OLFML2B: variants seen among roughly 807,000 people sequenced by gnomAD.
The protein encoded by OLFML2B is olfactomedin like 2B.
OLFML2B carries 57 observed loss-of-function variants against 74.9 expected under a neutral mutation model. The observed-to-expected ratio is 0.76, with a 90% CI of 0.61 to 0.95. The LOEUF is 0.95. Among genes scored for constraint, OLFML2B ranks in the 40% least tolerant of loss-of-function variants. The pLI is 0.00. For missense variants in OLFML2B, 986 were observed against 970.6 expected (o/e 1.02, Z -0.21); for synonymous variants, 388 against 405.8 (o/e 0.96, Z 0.53).
At chr1:162,011,710 C>G (rs749089213) in intron 3 of OLFML2B, among the ~76,000 whole-genome samples, 8 of 152,226 alleles carry the variant, frequency 5.3e-5, no homozygotes, top group Non-Finnish European at 1.2e-4. Flanking sequence ...TGACTTGACC[C>G]AGCTTGCCCT....
chr1:161,998,460 C>T (rs773796923), intron 5 of OLFML2B, 111 bp from the exon 6 acceptor site: 92 of 1,213,096 alleles, frequency 7.6e-5, no homozygotes, highest in Admixed American at 1.2e-4. Flanking sequence ...CTTAACACGA[C>T]GGCTTGAGTT....
At chr1:161,987,688 T>C (rs1306957427) in intron 6 of OLFML2B, among the ~76,000 whole-genome samples, 1 of 152,182 alleles carries the variant, frequency 6.6e-6, no homozygotes, top group Non-Finnish European at 1.5e-5. Flanking sequence ...CAACTAAGCT[T>C]GTGGCAATTT....
intron 4 of OLFML2B, among the ~76,000 whole-genome samples, chr1:162,002,037 C>T (rs541325611): frequency 1.2e-4 from 18 of 152,306 alleles, no homozygotes; most frequent in African/African-American, 3.6e-4. Context: ...CACAGTGTGG[C>T]GGGATCTCTG....
At chr1:161,988,322 T>G (rs1023724656) in intron 6 of OLFML2B, among the ~76,000 whole-genome samples, 5 of 152,142 alleles carry the variant, frequency 3.3e-5, no homozygotes, top group East Asian at 1.9e-4. Context: ...CTAAAAGAAA[T>G]AAATCAGCAA....
chr1:161,998,455 C>T (rs1183022703), intron 5 of OLFML2B, 106 bp from the exon 6 acceptor site: 1 of 1,282,628 alleles, frequency 7.8e-7, no homozygotes, highest in Admixed American at 2.4e-5. Context: ...CTTTCCTTAA[C>T]ACGACGGCTT....
At chr1:161,991,079 T>C (rs1433047938) in intron 6 of OLFML2B, among the ~76,000 whole-genome samples, 1 of 152,196 alleles carries the variant, frequency 6.6e-6, no homozygotes, top group Admixed American at 6.5e-5. Flanking sequence ...CTTCCTCCAC[T>C]GAAGACTTGA....
chr1:161,991,326 A>T (rs915287098), intron 6 of OLFML2B, among the ~76,000 whole-genome samples: 3 of 152,252 alleles, frequency 2.0e-5, no homozygotes, highest in Non-Finnish European at 4.4e-5. Context: ...TCCTTAATCC[A>T]TGGGCTTCAG....
chr1:161,997,100 T>A lies in OLFML2B; in HGVS notation c.1474+725A>T, dbSNP rs555388142. On this transcript the variant is annotated intron_variant, in intron 6 of 7. Coordinates refer to ENST00000294794, the MANE Select transcript of OLFML2B (RefSeq NM_015441.3). The stretch of plus-strand genomic sequence containing the variant: ...TGAACCCAGGAGGCGGAGCTTGCAG[T>A]GAGCCAAGATTGCACCACTGCACTC... Among the ~76,000 whole-genome samples, 199 of 152,108 alleles carry A rather than the reference T, an allele frequency of 1.3e-3. 2 individuals carry two copies. The highest frequency in any genetic ancestry group is 1.5e-4 in the Non-Finnish European group (10 of 67,988).
rs764849196 is a variant in OLFML2B at position 162,000,181 on chromosome 1, G to A, written c.881C>T (p.Thr294Ile). ...HLRGRPASQP[T>I]VIRGITYYKA... ...ATAGTAGGTGATGCCCCGGATGACA[G>A]TGGGCTGGGAGGCCGGCCGGCCTCT... Residue 294 changes from threonine to isoleucine, a missense_variant, in exon 5 of 8, where the codon ACT (threonine) becomes ATT (isoleucine). Physicochemically the swap from Thr to Ile is moderately conservative, Grantham distance 89. Transcript: ENST00000294794. 15 of 1,613,638 alleles carry A rather than the reference G, an allele frequency of 9.3e-6. No individual in the cohort carries two copies. In the Admixed American group the frequency reaches 1.7e-4, roughly 18 times the overall value.
chr1:162,014,340 T>C (rs955649932), intron 3 of OLFML2B, among the ~76,000 whole-genome samples: 10 of 152,234 alleles, frequency 6.6e-5, no homozygotes, highest in African/African-American at 2.4e-4. Flanking sequence ...ATTCCATTTC[T>C]CTCTCCTTCC....
chr1:161,994,637 G>A (rs773398221), intron 6 of OLFML2B, among the ~76,000 whole-genome samples: 11 of 152,140 alleles, frequency 7.2e-5, no homozygotes, highest in African/African-American at 1.2e-4. Context: ...GGGCTGTCCC[G>A]AGCAGAAGCG....
rs561830768 is a variant in OLFML2B at position 162,005,737 on chromosome 1, CA to C, written c.723+559del. Among the ~76,000 whole-genome samples, 492 of 151,764 alleles carry C rather than the reference CA, an allele frequency of 3.2e-3. 5 individuals are homozygous for C. Among genetic ancestry groups the C allele is most frequent in the Non-Finnish European group, 5.4e-3 (369 of 67,900 alleles). ...AATACATAACAAGACCCTGTATTTA[CA>C]AAAAATAAAAAAATTTTATTACCAG... On this transcript the variant is annotated intron_variant, in intron 4 of 7. Coordinates refer to ENST00000294794, the MANE Select transcript of OLFML2B (RefSeq NM_015441.3).
At position 161,984,080 on chromosome 1, in the gene OLFML2B, G is replaced by T; in HGVS notation, c.1848C>A (p.Gly616=). 2 of 1,613,188 alleles carry T rather than the reference G, an allele frequency of 1.2e-6. No individual in the cohort carries two copies. Among genetic ancestry groups the T allele is most frequent in the Non-Finnish European group, 1.7e-6 (2 of 1,179,318 alleles). ...YEEATPWRWQ[G]HSDVDFAVDE... is the part of the protein sequence containing the mutation. ...CCACAGCAAAGTCCACGTCTGAGTG[G>T]CCCTGCCATCGCCAGGGGGTGGCCT... Residue 616 remains glycine, a synonymous_variant, in exon 8 of 8, where the codon GGC becomes GGA. Coordinates refer to ENST00000294794, the MANE Select transcript of OLFML2B (RefSeq NM_015441.3).
Position 161,984,029 on chromosome 1 carries a change from G to T in OLFML2B, c.1899C>A (p.Tyr633Ter), listed in dbSNP as rs758061196. Reference protein sequence around the residue: ...AVDENGLWLIYPALDDEGFSQ... With the variant: ...AVDENGLWLI ...TGAAGCCCTCATCGTCCAGGGCCGG[G>T]TAGATGAGCCATAGGCCATTCTCGT... The change falls in exon 8 of 8, where the codon TAC (tyrosine) becomes TAA (stop). Residue 633 changes from tyrosine (Y) to a stop codon, truncating the protein, a stop_gained. Coordinates refer to ENST00000294794, the MANE Select transcript of OLFML2B (RefSeq NM_015441.3). LOFTEE classifies it high-confidence loss of function. The T allele has an allele frequency of 6.2e-7, 1 of 1,614,206 alleles. No homozygotes were observed. The highest frequency in any genetic ancestry group is 8.5e-7 in the Non-Finnish European group (1 of 1,180,044).
At chr1:161,985,335 G>A (rs1300403963) in intron 6 of OLFML2B, 1 of 177,802 alleles carries the variant, frequency 5.6e-6, no homozygotes, top group African/African-American at 2.4e-5. Context: ...TCAGCTCTCA[G>A]GGTACCATGA....
At chr1:162,020,252 C>A in intron 1 of OLFML2B, 70 bp from the exon 2 acceptor site, 1 of 1,564,386 alleles carries the variant, frequency 6.4e-7, no homozygotes, top group Non-Finnish European at 8.7e-7. Context: ...AGGAGGCTCT[C>A]CATTTACTTA....
chr1:161,996,939 C>T (rs776765239), intron 6 of OLFML2B, among the ~76,000 whole-genome samples: 11 of 152,296 alleles, frequency 7.2e-5, no homozygotes, highest in Middle Eastern at 3.4e-3. Flanking sequence ...GGGGGGATCA[C>T]AAGGTCAGGA....
At chr1:162,003,335 G>A (rs892975403) in intron 4 of OLFML2B, among the ~76,000 whole-genome samples, 2 of 152,174 alleles carry the variant, frequency 1.3e-5, no homozygotes, top group Non-Finnish European at 2.9e-5. Flanking sequence ...TCTAATTACC[G>A]GACCCTGGTC....
chr1:162,007,672 A>C (rs1195070995), intron 3 of OLFML2B, among the ~76,000 whole-genome samples: 1 of 152,160 alleles, frequency 6.6e-6, no homozygotes, highest in African/African-American at 2.4e-5. Flanking sequence ...GCCTGGTGGG[A>C]TGCTACTAAC....
Sources: gnomAD v4.1 joint callset for allele counts (sites outside exome capture counted in the v4.1 genomes callset) on GRCh38, gnomAD v4.1.1 for gene constraint, MANE v1.5 for transcripts, NCBI Gene and HGNC (gene_info 2026-07-23, HGNC 2026-07-21) for gene names.